Variants in GLS observed in about 807,000 individuals in gnomAD.
GLS encodes glutaminase kidney isoform, mitochondrial.
A neutral mutation model predicts 86.7 loss-of-function variants in GLS; 36 were observed. The observed-to-expected ratio is 0.42, with a 90% CI of 0.32 to 0.55. The LOEUF is 0.55. Ranked by LOEUF, GLS falls within the 20% of genes least tolerant of loss-of-function variation. GLS has a pLI of 0.17. For missense variants in GLS, 528 were observed against 833.4 expected, an observed-to-expected ratio of 0.63 and a Z score of 4.51; for synonymous variants, 317 against 305.9, an observed-to-expected ratio of 1.04 and a Z score of -0.38.
At position 190,935,218 on chromosome 2, in the gene GLS, T is replaced by C; in HGVS notation, c.1650+3581T>C. ...TTGTTTAGCTTTCATTTGCTTTGTA[T>C]ATTTAATAATGTACCTTTATTTTCC... On this transcript the variant is annotated intron_variant, in intron 14 of 17. Transcript: ENST00000320717. The surrounding 1 kb of genome is among the most constrained non-coding windows in gnomAD (Gnocchi z 4.2). The C allele has an allele frequency of 2.4e-6, 2 of 828,102 alleles. No individual in the cohort carries two copies. Among genetic ancestry groups the C allele is most frequent in the Non-Finnish European group, 2.9e-6 (2 of 686,590 alleles). The allele number at this position is 828,102 out of a possible 1,614,324, so 51.3% of individuals were successfully genotyped here. A position where few individuals can be genotyped will look rare whatever the true frequency, so the allele number is the denominator to read the frequency against.
At chr2:190,925,854 T>C (rs2124905499) in intron 11 of GLS, among the ~76,000 whole-genome samples, 1 of 152,332 alleles carries the variant, frequency 6.6e-6, no homozygotes, top group East Asian at 1.9e-4. Flanking sequence ...AGTTTCCTTA[T>C]GTGTAGTATA....
In GLS at chr2:190,924,411, C is replaced by CT. The variant is rs1196515056; in HGVS notation, c.1198-128dup. ...TGCTTTTTTATTTCATGTTTATACTCTTTTAGAAGTTACATGCTATTTTAT... is the reference window on the plus strand; with the variant it reads ...TGCTTTTTTATTTCATGTTTATACTCTTTTTAGAAGTTACATGCTATTTTAT... On this transcript the variant is annotated intron_variant, in intron 10 of 17. Transcript: ENST00000320717. The surrounding 1 kb of genome is among the most constrained non-coding windows in gnomAD (Gnocchi z 5.2). 2.4e-5 allele frequency: 16 copies of CT among 676,552 alleles called. No homozygotes were observed. Among genetic ancestry groups the CT allele is most frequent in the Non-Finnish European group, 4.2e-5 (16 of 377,108 alleles). 41.9% of individuals were successfully genotyped at this position (676,552 alleles called of 1,614,324 possible).
rs1358982562 is a variant in GLS at position 190,951,086 on chromosome 2, T to G, written c.1651-2479T>G. ...CAGTGTGCCCAGAGGAATAGATGAA[T>G]TCTTTGAGGGACATTATATTGAAAA... On this transcript the variant is annotated intron_variant, in intron 14 of 17. Coordinates refer to ENST00000320717, the MANE Select transcript of GLS (RefSeq NM_014905.5). This position sits in a 1 kb window ranked among gnomAD's most constrained non-coding sequence, Gnocchi z 4.2. Among the ~76,000 whole-genome samples the G allele has an allele frequency of 6.6e-6, 1 of 152,120 alleles. No homozygotes were observed. The highest frequency in any genetic ancestry group is 1.5e-5 in the Non-Finnish European group (1 of 68,022).
intron 14 of GLS, chr2:190,934,883 GC>G: frequency 1.0e-6 from 1 of 979,484 alleles, no homozygotes; most frequent in South Asian, 4.7e-5. Context: ...ATAAGATACT[GC>G]GAATAGGCCC....
At chr2:190,907,846 A>T (rs1183592355) in intron 6 of GLS, among the ~76,000 whole-genome samples, 3 of 152,214 alleles carry the variant, frequency 2.0e-5, no homozygotes, top group Admixed American at 2.0e-4. Flanking sequence ...TATTTCTAAT[A>T]CATAATGGGA....
At chr2:190,917,534 G>T (rs1689578902) in intron 7 of GLS, among the ~76,000 whole-genome samples, 1 of 152,118 alleles carries the variant, frequency 6.6e-6, no homozygotes, top group African/African-American at 2.4e-5. Context: ...ATTTAGAATG[G>T]TGAATCTTTT....
intron 12 of GLS, among the ~76,000 whole-genome samples, chr2:190,928,072 A>G (rs748033050): frequency 6.6e-6 from 1 of 152,110 alleles, no homozygotes; most frequent in South Asian, 2.1e-4. Context: ...AATGTTATCC[A>G]TCACTCAGCT....
chr2:190,951,543 GAATA>G lies in GLS; in HGVS notation c.1651-2021_1651-2018del, dbSNP rs371346366. 1.3e-5 allele frequency among the ~76,000 whole-genome samples: 2 copies of G among 152,236 alleles called. No homozygotes were observed. The highest frequency in any genetic ancestry group is 4.8e-5 in the African/African-American group (2 of 41,548). ...GCATCTAGAGGATAAGTGTTTGAAGGAATAGATAAAAAGTAGTCTCAAAAATGAG... is the reference window on the plus strand; with the variant it reads ...GCATCTAGAGGATAAGTGTTTGAAGGGATAAAAAGTAGTCTCAAAAATGAG... On this transcript the variant is annotated intron_variant, in intron 14 of 17. Coordinates refer to ENST00000320717, the MANE Select transcript of GLS (RefSeq NM_014905.5). The surrounding 1 kb of genome is among the most constrained non-coding windows in gnomAD (Gnocchi z 4.2).
At chr2:190,960,140 AAACTC>A (rs1448852183) in intron 17 of GLS, among the ~76,000 whole-genome samples, 1 of 152,230 alleles carries the variant, frequency 6.6e-6, no homozygotes, top group Non-Finnish European at 1.5e-5. Context: ...CATGTACAGT[AAACTC>A]TAGATTCATA....
Position 190,920,927 on chromosome 2 carries a change from TATATTATA to T in GLS, c.1039-93_1039-86del. The T allele has an allele frequency of 1.5e-6, 1 of 662,388 alleles. No individual in the cohort carries two copies. Among genetic ancestry groups the T allele is most frequent in the East Asian group, 2.7e-5 (1 of 37,186 alleles). The allele number at this position is 662,388 out of a possible 1,614,324, so 41.0% of individuals were successfully genotyped here. On this transcript the variant is annotated intron_variant, in intron 7 of 17. Coordinates refer to ENST00000320717, the MANE Select transcript of GLS (RefSeq NM_014905.5). The surrounding 1 kb of genome is among the most constrained non-coding windows in gnomAD (Gnocchi z 4.2). ...CCTAGATTTAAAAATACTAATGCAG[TATATTATA>T]ATAGTAGCTTTGAAATTTTGATATT...
intron 17 of GLS, among the ~76,000 whole-genome samples, chr2:190,958,530 T>C (rs888850074): frequency 5.3e-5 from 8 of 152,238 alleles, no homozygotes; most frequent in African/African-American, 1.4e-4. Flanking sequence ...ATTTTAGACC[T>C]TTCCTGCTTA....
In GLS at chr2:190,924,778, G is replaced by A; in HGVS notation, c.1248+185G>A. On this transcript the variant is annotated intron_variant, in intron 11 of 17. Coordinates refer to ENST00000320717, the MANE Select transcript of GLS (RefSeq NM_014905.5). The surrounding 1 kb of genome is among the most constrained non-coding windows in gnomAD (Gnocchi z 5.2). ...AAAAATACAAAAATTATTCGGGTGT[G>A]GTAGTGTGTGCCTGTAGTCCCAGTT... 2.0e-6 allele frequency: 1 copy of A among 493,436 alleles called. No homozygotes were observed. 30.6% of individuals were successfully genotyped at this position (493,436 alleles called of 1,614,324 possible). A position where few individuals can be genotyped will look rare whatever the true frequency, so the allele number is the denominator to read the frequency against.
At position 190,914,402 on chromosome 2, in the gene GLS, A is replaced by G. The variant is rs1239196123; in HGVS notation, c.1038+4081A>G. On this transcript the variant is annotated intron_variant, in intron 7 of 17. Transcript: ENST00000320717. The surrounding 1 kb of genome is among the most constrained non-coding windows in gnomAD (Gnocchi z 4.4). ...AAGACAGGATTATATTGGTTTATTTACTTCTTGTTTATATCAGTTTATGCT... is the reference window on the plus strand; with the variant it reads ...AAGACAGGATTATATTGGTTTATTTGCTTCTTGTTTATATCAGTTTATGCT... Among the ~76,000 whole-genome samples, 1 of 150,312 alleles carries G rather than the reference A, an allele frequency of 6.7e-6. No homozygotes were observed. The highest frequency in any genetic ancestry group is 1.9e-4 in the East Asian group (1 of 5,138).
In GLS at chr2:190,953,133, G is replaced by A. The variant is rs768163457; in HGVS notation, c.1651-432G>A. On this transcript the variant is annotated intron_variant, in intron 14 of 17. Transcript: ENST00000320717. This position sits in a 1 kb window ranked among gnomAD's most constrained non-coding sequence, Gnocchi z 4.0. ...TTGCAAAGAAGCCAGTGATTGGTGA[G>A]GATAGTGATTCTTGGCAGGGATTAG... Among the ~76,000 whole-genome samples the A allele has an allele frequency of 3.3e-5, 5 of 152,188 alleles. No homozygotes were observed. Among genetic ancestry groups the A allele is most frequent in the Non-Finnish European group, 7.3e-5 (5 of 68,034 alleles).
chr2:190,895,663 GT>G lies in GLS; in HGVS notation c.545del (p.Leu182Ter). On this transcript the variant is annotated frameshift_variant, in exon 3 of 18. Coordinates refer to ENST00000320717, the MANE Select transcript of GLS (RefSeq NM_014905.5). LOFTEE classifies it high-confidence loss of function. This position sits in a 1 kb window ranked among gnomAD's most constrained non-coding sequence, Gnocchi z 4.2. ...DPRLKECMDMLRLTLQTTSDG... is the reference protein window; with the variant it reads ...DPRLKECMDMXRLTLQTTSDG... ...CCAGGTTGAAAGAGTGTATGGATAT[GT>G]TAAGATTAACTCTTCAAACAACATC... 6.2e-7 allele frequency: 1 copy of G among 1,603,514 alleles called. No homozygotes were observed. The highest frequency in any genetic ancestry group is 8.5e-7 in the Non-Finnish European group (1 of 1,171,078).
chr2:190,888,925 A>G (rs1688477811), intron 1 of GLS, among the ~76,000 whole-genome samples: 1 of 152,198 alleles, frequency 6.6e-6, no homozygotes, highest in African/African-American at 2.4e-5. Context: ...TACCACTTTA[A>G]CCATTTTTAA....
chr2:190,888,788 G>C (rs1486718106), intron 1 of GLS, among the ~76,000 whole-genome samples: 1 of 152,066 alleles, frequency 6.6e-6, no homozygotes, highest in Admixed American at 6.5e-5. Flanking sequence ...GTGGATTTTT[G>C]TATCTTGTAT....
At position 190,965,433 on chromosome 2, in the gene GLS, G is replaced by C. The variant is rs779962342; in HGVS notation, c.*2447G>C. The C allele has an allele frequency of 6.6e-6, 1 of 152,500 alleles. No individual in the cohort carries two copies. Among genetic ancestry groups the C allele is most frequent in the Non-Finnish European group, 1.5e-5 (1 of 68,028 alleles). The allele number at this position is 152,500 out of a possible 1,614,324, so 9.4% of individuals were successfully genotyped here. ...GTATTTGCTTCTAAAACCTCCCAAA[G>C]TGAATCTAATCTTAAAACTACAAGT... is the stretch of plus-strand genomic sequence containing the variant. On this transcript the variant is annotated 3_prime_UTR_variant, in exon 18 of 18. Coordinates refer to ENST00000320717, the MANE Select transcript of GLS (RefSeq NM_014905.5). The surrounding 1 kb of genome is among the most constrained non-coding windows in gnomAD (Gnocchi z 5.0).
At position 190,921,944 on chromosome 2, in the gene GLS, T is replaced by C. The variant is rs115557657; in HGVS notation, c.1130+741T>C. Among the ~76,000 whole-genome samples the C allele has an allele frequency of 0.011, 1,639 of 152,260 alleles. 14 individuals carry two copies. The highest frequency in any genetic ancestry group is 0.016 in the Non-Finnish European group (1,068 of 67,948). On this transcript the variant is annotated intron_variant, in intron 9 of 17. Coordinates refer to ENST00000320717, the MANE Select transcript of GLS (RefSeq NM_014905.5). The surrounding 1 kb of genome is among the most constrained non-coding windows in gnomAD (Gnocchi z 4.2). ...GGTTCTTACATTGTATTTATTACGA[T>C]GTCTGTTTTGTCTCTTTACTTAGAA...
Sources: allele counts gnomAD v4.1 joint callset (sites outside exome capture counted in the v4.1 genomes callset), GRCh38; gene constraint gnomAD v4.1.1; non-coding constraint Gnocchi (gnomAD v3.1); transcripts MANE v1.5; gene names NCBI Gene and HGNC (gene_info 2026-07-23, HGNC 2026-07-21).